The following FOCAD variants were observed in gnomAD, a reference collection of about 807,000 sequenced individuals.
The protein encoded by FOCAD is KIAA1797.
FOCAD carries 198 observed loss-of-function variants against 225.6 expected under a neutral mutation model. The ratio of observed to expected loss-of-function variants is 0.88; its 90% CI spans 0.78 to 0.99. FOCAD has a LOEUF of 0.99. FOCAD is among the 50% of genes least tolerant of loss of function. The pLI is 0.00. For missense variants in FOCAD, 2,713 were observed against 2,123.6 expected, an observed-to-expected ratio of 1.28 and a Z score of -5.46; for synonymous variants, 897 against 755.0, an observed-to-expected ratio of 1.19 and a Z score of -3.08.
At chr9:20,754,243 C>G (rs551689094) in intron 5 of FOCAD, among the ~76,000 whole-genome samples, 1 of 152,142 alleles carries the variant, frequency 6.6e-6, no homozygotes, top group African/African-American at 2.4e-5. Context: ...TACAGCAAGA[C>G]TGAGCAATAC....
At chr9:20,666,347 A>T (rs780653009) in intron 2 of FOCAD, among the ~76,000 whole-genome samples, 22 of 152,094 alleles carry the variant, frequency 1.4e-4, no homozygotes, top group Admixed American at 3.9e-4. Context: ...GAGGTGGAAG[A>T]TTGCTTGAGC....
At chr9:20,685,754 A>G (rs1431003683) in intron 1 of FOCAD, among the ~76,000 whole-genome samples, 2 of 152,320 alleles carry the variant, frequency 1.3e-5, no homozygotes, top group Non-Finnish European at 2.9e-5. Flanking sequence ...ATGTTTATCA[A>G]TATTATATCT....
intron 20 of FOCAD, 124 bp downstream of exon 20, chr9:20,882,180 A>G: frequency 2.5e-6 from 2 of 812,776 alleles, no homozygotes; most frequent in Non-Finnish European, 3.9e-6. Flanking sequence ...TGGATAAATT[A>G]TAAAAATCAT....
chr9:20,795,881 G>A (rs186663299), intron 11 of FOCAD, among the ~76,000 whole-genome samples: 3 of 150,020 alleles, frequency 2.0e-5, no homozygotes, highest in Non-Finnish European at 3.0e-5. Context: ...TGTGCACAAC[G>A]TATACAGGTG....
intron 11 of FOCAD, among the ~76,000 whole-genome samples, chr9:20,795,807 A>G (rs1330000686): frequency 6.8e-6 from 1 of 147,408 alleles, no homozygotes; most frequent in African/African-American, 2.5e-5. Context: ...AAAAAAAAAA[A>G]GACACAGCAT....
At chr9:20,974,113 C>A (rs1009090991) in intron 35 of FOCAD, among the ~76,000 whole-genome samples, 6 of 147,934 alleles carry the variant, frequency 4.1e-5, no homozygotes, top group Admixed American at 6.7e-5. Context: ...AGCATCTGTT[C>A]ATGGCCTCTG....
At chr9:20,824,240 A>G (rs1824640054) in intron 15 of FOCAD, among the ~76,000 whole-genome samples, 1 of 152,096 alleles carries the variant, frequency 6.6e-6, no homozygotes, top group Admixed American at 6.6e-5. Context: ...TCTCTTTAAT[A>G]GTTATATTAC....
chr9:20,686,212 A>C (rs1449536099), intron 1 of FOCAD, among the ~76,000 whole-genome samples: 1 of 152,200 alleles, frequency 6.6e-6, no homozygotes, highest in East Asian at 1.9e-4. Flanking sequence ...GCTGGAGTGC[A>C]GTGCTGCGAT....
intron 6 of FOCAD, among the ~76,000 whole-genome samples, chr9:20,761,663 A>T (rs1587061438): frequency 1.3e-5 from 2 of 151,690 alleles, no homozygotes; most frequent in South Asian, 2.1e-4. Context: ...CTCATGATCC[A>T]CCCGCCTCGG....
intron 23 of FOCAD, among the ~76,000 whole-genome samples, chr9:20,914,696 A>C (rs1833732106): frequency 6.6e-6 from 1 of 152,180 alleles, no homozygotes; most frequent in Non-Finnish European, 1.5e-5. Flanking sequence ...GGGAGATTGC[A>C]GGGTGGAGAG....
chr9:20,734,468 T>C (rs538266517), intron 4 of FOCAD, among the ~76,000 whole-genome samples: 21 of 152,362 alleles, frequency 1.4e-4, no homozygotes, highest in African/African-American at 5.0e-4. Flanking sequence ...ACTTGCATTT[T>C]TCCACATAGT....
At chr9:20,788,645 A>G (rs887256186) in intron 10 of FOCAD, among the ~76,000 whole-genome samples, 4 of 152,166 alleles carry the variant, frequency 2.6e-5, no homozygotes, top group Non-Finnish European at 5.9e-5. Context: ...TTAGCAAGCA[A>G]TGTCTAATGA....
At chr9:20,927,651 T>G (rs578006565) in intron 26 of FOCAD, 1 of 152,306 alleles carries the variant, frequency 6.6e-6, no homozygotes, top group African/African-American at 2.4e-5. Context: ...TCGTAGTACA[T>G]GCTTTATTTC....
intron 39 of FOCAD, among the ~76,000 whole-genome samples, chr9:20,983,823 G>T (rs1840924733): frequency 1.3e-5 from 2 of 152,160 alleles, no homozygotes; most frequent in South Asian, 2.1e-4. Context: ...TGAGAGTTCA[G>T]TGAGTTAGTC....
chr9:20,935,689 C>T (rs1038965656), intron 28 of FOCAD, among the ~76,000 whole-genome samples: 25 of 152,160 alleles, frequency 1.6e-4, no homozygotes, highest in African/African-American at 5.6e-4. Flanking sequence ...GTGAGCCACC[C>T]TGCCCAGCCG....
At chr9:20,779,529 C>A (rs1258035802) in intron 9 of FOCAD, among the ~76,000 whole-genome samples, 1 of 152,154 alleles carries the variant, frequency 6.6e-6, no homozygotes, top group East Asian at 1.9e-4. Context: ...GGTGGACCAC[C>A]TGAGGTCAGG....
chr9:20,980,254 A>T (rs1840570546), intron 37 of FOCAD, among the ~76,000 whole-genome samples: 1 of 152,078 alleles, frequency 6.6e-6, no homozygotes, highest in Non-Finnish European at 1.5e-5. Context: ...TTTTAACAGA[A>T]TTATAAACTG....
intron 10 of FOCAD, among the ~76,000 whole-genome samples, chr9:20,782,778 G>A (rs1819509086): frequency 6.6e-6 from 1 of 152,198 alleles, no homozygotes; most frequent in African/African-American, 2.4e-5. Flanking sequence ...TGCAAAAGCA[G>A]AGATACCTCT....
chr9:20,953,135 A>G, intron 35 of FOCAD, 70 bp downstream of exon 35: 1 of 1,234,878 alleles, frequency 8.1e-7, no homozygotes, highest in Non-Finnish European at 1.2e-6. Flanking sequence ...TGTGTACCCT[A>G]AGCATGCCTC....
Sources: allele counts gnomAD v4.1 joint callset (sites outside exome capture counted in the v4.1 genomes callset), GRCh38; gene constraint gnomAD v4.1.1; transcripts MANE v1.5; gene names NCBI Gene and HGNC (gene_info 2026-07-23, HGNC 2026-07-21).